TAF1: variants seen among roughly 807,000 people sequenced by gnomAD.
TAF1 encodes the protein TATA-box binding protein associated factor 1.
Under a neutral mutation model 138.5 loss-of-function variants are expected in TAF1, and 2 were observed. That is an observed-to-expected ratio of 0.01 (90% CI 0.01 to 0.05). The LOEUF (loss-of-function observed/expected upper bound fraction) is 0.05. TAF1 is among the 10% of genes least tolerant of loss of function. The probability of loss-of-function intolerance (pLI) is 1.00; values close to 1 mark genes in which losing one functional copy is unlikely to be tolerated. For missense variants in TAF1, 709 were observed against 1,478.0 expected (o/e 0.48, Z 8.53); for synonymous variants, 437 against 503.2 (o/e 0.87, Z 1.76).
chrX:71,506,538 T>A (rs1056945283), intron 13 of TAF1, among the ~76,000 whole-genome samples: 19 of 106,225 alleles, frequency 1.8e-4, no homozygotes, highest in East Asian at 1.2e-3. Context: ...TATATTTTTT[T>A]AAAAAAAGTA....
At chrX:71,468,656 G>A (rs1333456260), downstream of TAF1, among the ~76,000 whole-genome samples, 1 of 102,589 alleles carries the variant, frequency 9.7e-6, no homozygotes, top group Admixed American at 1.1e-4. Context: ...CTGCACTCCA[G>A]CCTGGGCGAC....
At chrX:71,396,377 C>T (rs2034853146) in intron 22 of TAF1, among the ~76,000 whole-genome samples, 2 of 105,651 alleles carry the variant, frequency 1.9e-5, no homozygotes, top group East Asian at 3.0e-4. Flanking sequence ...TTGTTTACTG[C>T]AGCCTCAACC....
intron 17 of TAF1, 52 bp from the exon 18 acceptor site, chrX:71,389,533 T>G: frequency 9.4e-7 from 1 of 1,064,765 alleles, no homozygotes; most frequent in South Asian, 2.0e-5. Context: ...AAAAAACTTG[T>G]GCTTTGTGTT....
intron 32 of TAF1, among the ~76,000 whole-genome samples, chrX:71,445,513 C>T (rs1285898148): frequency 9.0e-6 from 1 of 111,622 alleles, no homozygotes; most frequent in Non-Finnish European, 1.9e-5. Context: ...TGTCCTTCCT[C>T]CATTGAATTG....
At chrX:71,462,304 G>A (rs1222040450) in intron 37 of TAF1, among the ~76,000 whole-genome samples, 1 of 106,539 alleles carries the variant, frequency 9.4e-6, no homozygotes, top group Non-Finnish European at 2.0e-5. Context: ...CCAGCCGGGC[G>A]CGGTGGCTCA....
In TAF1 at chrX:71,392,469, G is replaced by A. The variant is rs191349800; in HGVS notation, c.2782-100G>A. On this transcript the variant is annotated intron_variant, in intron 18 of 37. Transcript: ENST00000423759. ...ACAGAAATTAAAAATTAGAAAAAAA[G>A]AACATGAAAATAGTTTGTAATTATT... 3.8e-4 allele frequency: 377 copies of A among 1,002,453 alleles called. 2 individuals are homozygous for A. In the East Asian group the frequency reaches 9.7e-3, roughly 26 times the overall value. The allele number at this position is 1,002,453 out of a possible 1,213,427, so 82.6% of individuals were successfully genotyped here. A position where few individuals can be genotyped will look rare whatever the true frequency, so the allele number is the denominator to read the frequency against.
At chrX:71,450,568 G>T (rs888656115) in intron 32 of TAF1, among the ~76,000 whole-genome samples, 5 of 111,955 alleles carry the variant, frequency 4.5e-5, no homozygotes, top group Non-Finnish European at 7.5e-5. Flanking sequence ...ATCACCTCTT[G>T]TGAAGGCTTT....
At chrX:71,457,735 C>T (rs1476987148) in intron 34 of TAF1, among the ~76,000 whole-genome samples, 3 of 112,237 alleles carry the variant, frequency 2.7e-5, no homozygotes, top group Non-Finnish European at 5.6e-5. Context: ...GGGGCCAGGA[C>T]TCAAACCCAG....
intron 22 of TAF1, among the ~76,000 whole-genome samples, chrX:71,394,568 A>G (rs184796232): frequency 1.8e-5 from 2 of 113,218 alleles, no homozygotes; most frequent in Admixed American, 1.9e-4. Context: ...GAATTTGTAA[A>G]TGAATTTAGG....
chrX:71,444,251 G>A (rs1383198039), intron 32 of TAF1, among the ~76,000 whole-genome samples: 3 of 112,143 alleles, frequency 2.7e-5, no homozygotes, highest in Non-Finnish European at 5.6e-5. Context: ...CAAGTGATCT[G>A]CCTTCCTCAG....
chrX:71,511,577 C>T lies in TAF1; in HGVS notation c.1367-16965C>T, dbSNP rs1220332066. Among the ~76,000 whole-genome samples, 5 of 112,685 alleles carry T rather than the reference C, an allele frequency of 4.4e-5. No individual in the cohort carries two copies. In the East Asian group the frequency reaches 1.4e-3, roughly 31 times the overall value. On this transcript the variant is annotated intron_variant and NMD_transcript_variant, in intron 13 of 14. Transcript: ENST00000373775. ...CTTCTATGTATAAATGGAGAAAATC[C>T]ACTGTTATTCATTCCTTTATGGGGT...
chrX:71,405,693 T>C (rs1408509276), intron 25 of TAF1, among the ~76,000 whole-genome samples: 1 of 112,099 alleles, frequency 8.9e-6, no homozygotes, highest in Non-Finnish European at 1.9e-5. Flanking sequence ...TAATAGTCAT[T>C]GTTTTTTGAA....
intron 25 of TAF1, among the ~76,000 whole-genome samples, chrX:71,403,268 GTCC>G (rs1393848007): frequency 9.0e-6 from 1 of 111,285 alleles, no homozygotes; most frequent in Non-Finnish European, 1.9e-5. Flanking sequence ...GGCTCAAGCA[GTCC>G]TCCTGCCTCA....
At chrX:71,403,367 T>G (rs2035283849) in intron 25 of TAF1, among the ~76,000 whole-genome samples, 1 of 111,940 alleles carries the variant, frequency 8.9e-6, no homozygotes, top group African/African-American at 3.2e-5. Context: ...TTTTGAAGAT[T>G]CCAGGCCAAT....
intron 13 of TAF1, among the ~76,000 whole-genome samples, chrX:71,504,490 A>G (rs927753988): frequency 6.4e-5 from 7 of 109,565 alleles, no homozygotes; most frequent in Non-Finnish European, 1.3e-4. Flanking sequence ...GAGTTCCCCA[A>G]TGTCAGGAGC....
chrX:71,423,336 G>A, intron 30 of TAF1, 97 bp downstream of exon 30: 1 of 1,136,281 alleles, frequency 8.8e-7, no homozygotes, highest in Non-Finnish European at 1.2e-6. Flanking sequence ...AGTCTGAGTG[G>A]TGGTGTATGT....
intron 14 of TAF1, among the ~76,000 whole-genome samples, chrX:71,385,791 C>T (rs371612610): frequency 7.2e-4 from 81 of 112,002 alleles, no homozygotes; most frequent in African/African-American, 2.4e-3. Context: ...TGTTCTTCTC[C>T]TTTCCCTGGA....
At chrX:71,382,257 T>G (rs920449975) in intron 9 of TAF1, among the ~76,000 whole-genome samples, 1 of 111,567 alleles carries the variant, frequency 9.0e-6, no homozygotes, top group Non-Finnish European at 1.9e-5. Flanking sequence ...GGAAAACTCA[T>G]GTAGGACTGT....
intron 35 of TAF1, among the ~76,000 whole-genome samples, chrX:71,458,828 G>T (rs918818384): frequency 8.9e-6 from 1 of 111,952 alleles, no homozygotes; most frequent in Admixed American, 9.5e-5. Flanking sequence ...ACTGGAAAGT[G>T]TAAAACCCAG....
Sources: gnomAD v4.1 joint callset for allele counts (sites outside exome capture counted in the v4.1 genomes callset) on GRCh38, gnomAD v4.1.1 for gene constraint, MANE v1.5 for transcripts, NCBI Gene and HGNC (gene_info 2026-07-23, HGNC 2026-07-21) for gene names.